Variants in HEATR5A observed in about 807,000 individuals in gnomAD.
HEATR5A encodes the protein HEAT repeat containing 5A.
Under a neutral mutation model 218.8 loss-of-function variants are expected in HEATR5A, and 178 were observed. The observed-to-expected ratio is 0.81, with a 90% CI of 0.72 to 0.92. HEATR5A has a LOEUF of 0.92. Ranked by LOEUF, HEATR5A falls within the 40% of genes least tolerant of loss-of-function variation. The pLI is 0.00. For synonymous variants in HEATR5A, 864 were observed against 871.6 expected, an observed-to-expected ratio of 0.99 and a Z score of 0.15; for missense variants, 2,420 against 2,418.9, an observed-to-expected ratio of 1.00 and a Z score of -0.01.
At position 31,380,636 on chromosome 14, in the gene HEATR5A, G is replaced by A. The variant is rs573206071; in HGVS notation, c.1597-58C>T. 8.4e-4 allele frequency: 860 copies of A among 1,022,948 alleles called. 2 individuals are homozygous for A. Among genetic ancestry groups the A allele is most frequent in the Middle Eastern group, 6.1e-3 (30 of 4,904 alleles). The allele number at this position is 1,022,948 out of a possible 1,614,324, so 63.4% of individuals were successfully genotyped here. The stretch of plus-strand genomic sequence containing the variant: ...CATATCAGTTTATAAATTACTAAAT[G>A]ATAGCAGCTAACAATATCTTGAAAA... On this transcript the variant is annotated intron_variant, in intron 10 of 35. Transcript: ENST00000543095.
In HEATR5A at chr14:31,339,366, C is replaced by T. The variant is rs532669846; in HGVS notation, c.3229-1752G>A. On this transcript the variant is annotated intron_variant, in intron 21 of 35. Transcript: ENST00000543095. ...TGGAGAGGCTGAGGCAGGAGAATCGCTTGAACCCGGGAGGCAGAAGTTGCA... is the reference window on the plus strand; with the variant it reads ...TGGAGAGGCTGAGGCAGGAGAATCGTTTGAACCCGGGAGGCAGAAGTTGCA... Among the ~76,000 whole-genome samples, 7 of 144,988 alleles carry T rather than the reference C, an allele frequency of 4.8e-5. No individual in the cohort carries two copies. The South Asian group carries it at 1.6e-3, about 33-fold the overall frequency.
chr14:31,407,919 T>C (rs1364830525), intron 1 of HEATR5A, among the ~76,000 whole-genome samples: 2 of 152,228 alleles, frequency 1.3e-5, no homozygotes, highest in Non-Finnish European at 2.9e-5. Context: ...TGAGCCACCA[T>C]GCCCGGCCCT....
intron 33 of HEATR5A, 64 bp from the exon 34 acceptor site, chr14:31,296,127 G>T (rs1899181298): frequency 7.2e-7 from 1 of 1,391,190 alleles, no homozygotes; most frequent in Non-Finnish European, 1.0e-6. Context: ...GTGTGAAGCT[G>T]TCTTCAGTTT....
chr14:31,403,007 T>A lies in HEATR5A; in HGVS notation c.-32A>T, dbSNP rs2030934273. ...CAGCAATCCTCCCAGCTGATCACAGTTCTTCTCGTTAAACTTTGGTCAATA... is the reference window on the plus strand; with the variant it reads ...CAGCAATCCTCCCAGCTGATCACAGATCTTCTCGTTAAACTTTGGTCAATA... On this transcript the variant is annotated 5_prime_UTR_variant, in exon 2 of 36. Transcript: ENST00000543095. 1 of 1,525,922 alleles carries A rather than the reference T, an allele frequency of 6.6e-7. No homozygotes were observed. Among genetic ancestry groups the A allele is most frequent in the Non-Finnish European group, 8.8e-7 (1 of 1,140,702 alleles). 94.5% of individuals were successfully genotyped at this position (1,525,922 alleles called of 1,614,324 possible).
intron 6 of HEATR5A, among the ~76,000 whole-genome samples, chr14:31,390,010 T>C (rs537728940): frequency 2.0e-5 from 3 of 152,078 alleles, no homozygotes; most frequent in Non-Finnish European, 4.4e-5. Flanking sequence ...AAATAGGGTA[T>C]TGGGGTAAGA....
intron 22 of HEATR5A, among the ~76,000 whole-genome samples, chr14:31,329,023 A>G (rs1354954506): frequency 6.6e-6 from 1 of 152,120 alleles, no homozygotes; most frequent in Non-Finnish European, 1.5e-5. Flanking sequence ...CATGTGAAGG[A>G]GGCAAAGGGG....
intron 22 of HEATR5A, among the ~76,000 whole-genome samples, chr14:31,335,685 G>C (rs747278171): frequency 6.6e-6 from 1 of 152,046 alleles, no homozygotes; most frequent in South Asian, 2.1e-4. Flanking sequence ...ACAGATTCTC[G>C]CTCTGGTGCC....
chr14:31,373,328 CT>C (rs762521678), intron 12 of HEATR5A, among the ~76,000 whole-genome samples: 167 of 141,784 alleles, frequency 1.2e-3, no homozygotes, highest in Non-Finnish European at 1.5e-3. Flanking sequence ...TGAAACATTA[CT>C]TTTTTTTTTT....
chr14:31,415,941 G>GT (rs879494221), intron 1 of HEATR5A, among the ~76,000 whole-genome samples: 4,921 of 146,126 alleles, frequency 0.034, 101 homozygotes, highest in Middle Eastern at 0.052. Context: ...CATACTATGG[G>GT]TTTTTTTTTT....
chr14:31,351,075 CT>C (rs549194594), intron 16 of HEATR5A, among the ~76,000 whole-genome samples: 41 of 152,332 alleles, frequency 2.7e-4, no homozygotes, highest in African/African-American at 5.8e-4. Context: ...ACCACTGCCC[CT>C]GGCCTCTCAA....
chr14:31,419,973 T>C (rs1016565215), intron 1 of HEATR5A, among the ~76,000 whole-genome samples: 6 of 152,220 alleles, frequency 3.9e-5, no homozygotes, highest in African/African-American at 1.4e-4. Flanking sequence ...CGAACGGGCC[T>C]CTGAGGAAGC....
Position 31,318,292 on chromosome 14 carries a change from C to T in HEATR5A, c.3970G>A (p.Val1324Ile). Residue 1324 changes from valine to isoleucine, a missense_variant and splice_region_variant, in exon 26 of 36, where the codon GTA becomes ATA. By Grantham distance (29) the Val-to-Ile change is conservative. Transcript: ENST00000543095. ...AAGGCTGGTCTAAGCGCTGCTCCTA[C>T]CTGGCAAGAAATTACATGACATATC... The part of the protein sequence containing the change: ...HVILEQYQAN[V>I]GAALRPAFTS... The T allele has an allele frequency of 1.2e-6, 2 of 1,613,068 alleles. No homozygotes were observed. The highest frequency in any genetic ancestry group is 1.7e-6 in the Non-Finnish European group (2 of 1,179,166).
Position 31,293,191 on chromosome 14 carries a change from T to TA in HEATR5A, c.*113dup. ...TTTGAAGAGTCACAGCTATTTAAGG[T>TA]AAAACAATCAACTAGACCTCTAAGG... On this transcript the variant is annotated 3_prime_UTR_variant, in exon 36 of 36. Transcript: ENST00000543095. 2 of 744,538 alleles carry TA rather than the reference T, an allele frequency of 2.7e-6. No individual in the cohort carries two copies. The highest frequency in any genetic ancestry group is 2.2e-6 in the Non-Finnish European group (1 of 463,002). The allele number at this position is 744,538 out of a possible 1,614,324, so 46.1% of individuals were successfully genotyped here. A position where few individuals can be genotyped will look rare whatever the true frequency, so the allele number is the denominator to read the frequency against.
At chr14:31,404,593 TAAG>T (rs1351356051) in intron 1 of HEATR5A, among the ~76,000 whole-genome samples, 1 of 152,120 alleles carries the variant, frequency 6.6e-6, no homozygotes, top group Non-Finnish European at 1.5e-5. Flanking sequence ...CATTTAAACA[TAAG>T]AAGATTGCAC....
Position 31,386,534 on chromosome 14 carries a change from A to G in HEATR5A, c.1231T>C (p.Ser411Pro), listed in dbSNP as rs767689521. ...TGTTGGCTAGCGGCTACATCTGTGG[A>G]ACCAAGCCGGGTTTCCAAATTACCA... ...SDGNLETRLGSTDVAASQHML... is the reference protein window; with the variant it reads ...SDGNLETRLGPTDVAASQHML... Residue 411 changes from serine (S) to proline (P), a missense_variant, in exon 9 of 36, where the codon TCC becomes CCC. Ser to Pro is a moderately conservative substitution (Grantham distance 74). Transcript: ENST00000543095. 98 of 1,602,930 alleles carry G rather than the reference A, an allele frequency of 6.1e-5. 1 individual carries two copies. In the East Asian group the frequency reaches 1.9e-3, roughly 31 times the overall value.
chr14:31,322,817 T>TAAAAAAAA (rs376742735), intron 24 of HEATR5A, among the ~76,000 whole-genome samples: 2 of 101,142 alleles, frequency 2.0e-5, no homozygotes, highest in African/African-American at 7.6e-5. Context: ...AAATGCTGTC[T>TAAAAAAAA]AAAAAAAAAA....
At chr14:31,318,933 C>T (rs1406910096) in intron 25 of HEATR5A, among the ~76,000 whole-genome samples, 1 of 152,262 alleles carries the variant, frequency 6.6e-6, no homozygotes, top group Non-Finnish European at 1.5e-5. Flanking sequence ...GCCCTGGGTG[C>T]TAAGAGAGCC....
chr14:31,326,322 C>T lies in HEATR5A; in HGVS notation c.3388G>A (p.Gly1130Ser). 2 of 1,612,038 alleles carry T rather than the reference C, an allele frequency of 1.2e-6. No individual in the cohort carries two copies. The highest frequency in any genetic ancestry group is 8.5e-7 in the Non-Finnish European group (1 of 1,179,006). Reference sequence around the variant, plus strand: ...AAGATCAACAATGCCCCCTCAAGGCCAACTTCTCTGATGTTAGCATCTGAC... The same window carrying T: ...AAGATCAACAATGCCCCCTCAAGGCTAACTTCTCTGATGTTAGCATCTGAC... ...LTPDANIREV[G>S]LEGALLILLD... Residue 1130 changes from glycine to serine, a missense_variant, in exon 23 of 36, where the codon GGC becomes AGC. Coordinates refer to ENST00000543095, the MANE Select transcript of HEATR5A (RefSeq NM_015473.4).
At chr14:31,412,561 G>A (rs1466203583) in intron 1 of HEATR5A, among the ~76,000 whole-genome samples, 1 of 148,662 alleles carries the variant, frequency 6.7e-6, no homozygotes, top group Non-Finnish European at 1.5e-5. Flanking sequence ...TTTTAACTTT[G>A]TATATTTAAG....
Sources: allele counts gnomAD v4.1 joint callset (sites outside exome capture counted in the v4.1 genomes callset), GRCh38; gene constraint gnomAD v4.1.1; transcripts MANE v1.5; gene names NCBI Gene and HGNC (gene_info 2026-07-23, HGNC 2026-07-21).